CCNJL: variants seen among roughly 807,000 people sequenced by gnomAD.
The protein encoded by CCNJL is cyclin J like.
A neutral mutation model predicts 33.4 loss-of-function variants in CCNJL; 33 were observed. The observed-to-expected ratio is 0.99, with a 90% CI of 0.75 to 1.32. The LOEUF (loss-of-function observed/expected upper bound fraction) is 1.32. Ranked by LOEUF, CCNJL falls within the 40% of genes most tolerant of loss-of-function variation. The pLI is 0.00. For synonymous variants in CCNJL, 227 were observed against 220.9 expected (o/e 1.03, Z -0.24); for missense variants, 512 against 499.7 (o/e 1.02, Z -0.23).
At chr5:160,321,012 C>CTCTTTCTTTCTTTCTT (rs59309263) in intron 1 of CCNJL, among the ~76,000 whole-genome samples, 3 of 71,994 alleles carry the variant, frequency 4.2e-5, no homozygotes, top group African/African-American at 6.9e-5. Context: ...CTCTCTCTCT[C>CTCTTTCTTTCTTTCTT]TCTTTCTTTC....
intron 4 of CCNJL, 141 bp from the exon 5 acceptor site, chr5:160,255,849 G>C: frequency 1.4e-6 from 1 of 712,800 alleles, no homozygotes; most frequent in African/African-American, 1.8e-5. Flanking sequence ...ATTAGAAACT[G>C]TGAAGTTCCA....
At chr5:160,260,377 G>C (rs1355047016) in intron 3 of CCNJL, among the ~76,000 whole-genome samples, 2 of 152,160 alleles carry the variant, frequency 1.3e-5, no homozygotes, top group African/African-American at 2.4e-5. Flanking sequence ...TCGGTAGGTG[G>C]GGGACGAGAA....
Position 160,253,635 on chromosome 5 carries a change from G to A in CCNJL, c.907C>T (p.Gln303Ter). ...TTLAQFQTPV[Q>*]DLCLAYRDSL... ...TCCCGATAGGCCAAGCATAGGTCCT[G>A]CACGGGGGTCTGGAACTGTGCCAGG... The change falls in exon 6 of 6, where the codon CAG becomes TAG. Residue 303 changes from glutamine to a stop codon, truncating the protein, a stop_gained. Transcript: ENST00000257536. LOFTEE classifies it high-confidence loss of function. 6.2e-7 allele frequency: 1 copy of A among 1,612,862 alleles called. No homozygotes were observed. The highest frequency in any genetic ancestry group is 8.5e-7 in the Non-Finnish European group (1 of 1,179,310).
At chr5:160,298,994 T>A (rs1329250250) in intron 2 of CCNJL, among the ~76,000 whole-genome samples, 1 of 152,128 alleles carries the variant, frequency 6.6e-6, no homozygotes, top group East Asian at 1.9e-4. Flanking sequence ...TTATTTATTT[T>A]TTGAGACAGA....
chr5:160,332,409 C>T (rs1271836311), intron 1 of CCNJL, among the ~76,000 whole-genome samples: 1 of 152,232 alleles, frequency 6.6e-6, no homozygotes, highest in Non-Finnish European at 1.5e-5. Context: ...AGAATGACTC[C>T]ATCAAAATGC....
chr5:160,256,708 G>A (rs1383125761), intron 4 of CCNJL, among the ~76,000 whole-genome samples: 1 of 152,102 alleles, frequency 6.6e-6, no homozygotes, highest in Non-Finnish European at 1.5e-5. Flanking sequence ...ACGAGGTCAG[G>A]AGTTCGAGAC....
chr5:160,321,567 G>T (rs1260207348), intron 1 of CCNJL, among the ~76,000 whole-genome samples: 1 of 152,200 alleles, frequency 6.6e-6, no homozygotes, highest in African/African-American at 2.4e-5. Flanking sequence ...GGGTGGAGAA[G>T]GGTTGGGAAA....
intron 3 of CCNJL, among the ~76,000 whole-genome samples, chr5:160,271,263 G>A (rs1400999417): frequency 6.6e-6 from 1 of 152,192 alleles, no homozygotes; most frequent in Non-Finnish European, 1.5e-5. Context: ...CTTGGGTGGT[G>A]AGGGGTGGGC....
chr5:160,311,913 T>G lies in CCNJL; in HGVS notation c.11A>C (p.Glu4Ala), dbSNP rs774101722. Residue 4 changes from glutamate to alanine, a missense_variant, in exon 2 of 6, where the codon GAG becomes GCG. By Grantham distance (107) the Glu-to-Ala change is moderately radical. Transcript: ENST00000257536. The stretch of plus-strand genomic sequence containing the variant: ...GGCGACGCGCCCTTCCCACCACGGC[T>G]CATCCATCATCGCGTACGCAGCGCC... Reference protein sequence around the residue: MMDEPWWEGRVASD... With the variant: MMDAPWWEGRVASD... 6 of 1,613,906 alleles carry G rather than the reference T, an allele frequency of 3.7e-6. No homozygotes were observed. The highest frequency in any genetic ancestry group is 4.2e-6 in the Non-Finnish European group (5 of 1,179,974).
intron 3 of CCNJL, among the ~76,000 whole-genome samples, chr5:160,264,810 A>G (rs1466934255): frequency 6.6e-6 from 1 of 152,134 alleles, no homozygotes; most frequent in Non-Finnish European, 1.5e-5. Context: ...CTTATCTTCT[A>G]CCTACTGTCC....
intron 2 of CCNJL, among the ~76,000 whole-genome samples, chr5:160,289,873 CG>C (rs1762527418): frequency 1.3e-5 from 2 of 152,158 alleles, no homozygotes; most frequent in African/African-American, 4.8e-5. Context: ...CAGACGTGCC[CG>C]GGAGTGCAGG....
chr5:160,298,407 C>G (rs560443682), intron 2 of CCNJL, among the ~76,000 whole-genome samples: 1 of 151,754 alleles, frequency 6.6e-6, no homozygotes, highest in African/African-American at 2.4e-5. Flanking sequence ...AGGCAATTTG[C>G]GGGCTGCACA....
At chr5:160,257,742 T>C (rs1035956699) in intron 4 of CCNJL, among the ~76,000 whole-genome samples, 1 of 152,084 alleles carries the variant, frequency 6.6e-6, no homozygotes, top group Admixed American at 6.6e-5. Flanking sequence ...GTGATTTTGG[T>C]GTGGGGTTGC....
At chr5:160,266,677 C>A (rs1221834801) in intron 3 of CCNJL, among the ~76,000 whole-genome samples, 1 of 152,180 alleles carries the variant, frequency 6.6e-6, no homozygotes, top group Admixed American at 6.5e-5. Context: ...ATGGTAGCAG[C>A]TGCTGTATTA....
At chr5:160,314,676 G>A (rs895117110), upstream of CCNJL, among the ~76,000 whole-genome samples, 1 of 152,224 alleles carries the variant, frequency 6.6e-6, no homozygotes. Context: ...TTTAACAAAT[G>A]TGACAAAAGG....
intron 1 of CCNJL, among the ~76,000 whole-genome samples, chr5:160,327,743 C>A (rs891665162): frequency 1.1e-4 from 16 of 152,350 alleles, no homozygotes; most frequent in African/African-American, 3.8e-4. Context: ...GTAACACCCT[C>A]ACATTGACTT....
chr5:160,309,804 G>A (rs746345202), intron 2 of CCNJL, among the ~76,000 whole-genome samples: 1 of 152,164 alleles, frequency 6.6e-6, no homozygotes, highest in South Asian at 2.1e-4. Context: ...TCCTAATAAG[G>A]CCAGCTTTAA....
intron 1 of CCNJL, among the ~76,000 whole-genome samples, chr5:160,319,208 G>C (rs1763411724): frequency 6.6e-6 from 1 of 152,114 alleles, no homozygotes; most frequent in Non-Finnish European, 1.5e-5. Context: ...GAACTCCTGG[G>C]TTCAACAAGG....
At chr5:160,293,535 C>T (rs951822010) in intron 2 of CCNJL, among the ~76,000 whole-genome samples, 5 of 152,168 alleles carry the variant, frequency 3.3e-5, no homozygotes, top group African/African-American at 4.8e-5. Context: ...TCCATCAGCA[C>T]GTAAATACTC....
Sources: allele counts gnomAD v4.1 joint callset (sites outside exome capture counted in the v4.1 genomes callset), GRCh38; gene constraint gnomAD v4.1.1; transcripts MANE v1.5; gene names NCBI Gene and HGNC (gene_info 2026-07-23, HGNC 2026-07-21).